SPRR2B: variants seen among roughly 807,000 people sequenced by gnomAD.
SPRR2B encodes small proline rich protein 2B, also known as small proline-rich protein 2B.
A neutral mutation model predicts 1.0 loss-of-function variants in SPRR2B; 1 was observed. That is an observed-to-expected ratio of 1.01 (90% CI 0.36 to 4.77). The LOEUF is 4.77. SPRR2B is among the 30% of genes most tolerant of loss of function. SPRR2B has a pLI of 0.16. For synonymous variants in SPRR2B, 27 were observed against 33.4 expected, an observed-to-expected ratio of 0.81 and a Z score of 0.66; for missense variants, 53 against 88.7, an observed-to-expected ratio of 0.60 and a Z score of 1.62.
At chr1:153,081,809 C>CCTTT in the SPRR2B span, among the ~76,000 whole-genome samples, 1 of 145,952 alleles carries the variant, frequency 6.9e-6, no homozygotes, top group East Asian at 2.0e-4. Flanking sequence ...AGTCAATTTT[C>CCTTT]CTTTTCTTTT....
At chr1:153,079,668 T>A in the SPRR2B span, among the ~76,000 whole-genome samples, 6 of 152,162 alleles carry the variant, frequency 3.9e-5, no homozygotes, top group Non-Finnish European at 8.8e-5. Context: ...AAAGATCAGA[T>A]GGTTGTAGAT....
the SPRR2B span, among the ~76,000 whole-genome samples, chr1:153,086,059 T>G: frequency 1.3e-5 from 2 of 152,122 alleles, no homozygotes; most frequent in African/African-American, 2.4e-5. Context: ...GAAAAACAAT[T>G]ATCAGCAACT....
chr1:153,081,456 C>T, the SPRR2B span, among the ~76,000 whole-genome samples: 2 of 152,162 alleles, frequency 1.3e-5, no homozygotes, highest in African/African-American at 4.8e-5. Context: ...GCAAAATTGT[C>T]CTTTAAAATG....
the SPRR2B span, among the ~76,000 whole-genome samples, chr1:153,077,420 T>G: frequency 6.6e-6 from 1 of 152,208 alleles, no homozygotes; most frequent in Non-Finnish European, 1.5e-5. Flanking sequence ...CTCTGATAAA[T>G]GTACACTGGT....
upstream of SPRR2B, among the ~76,000 whole-genome samples, chr1:153,071,961 A>T (rs143288267): frequency 8.5e-5 from 13 of 152,208 alleles, no homozygotes; most frequent in East Asian, 2.5e-3. Flanking sequence ...ACATGAACCC[A>T]TCTCCACCCC....
At chr1:153,073,335 A>T (rs1277157013), upstream of SPRR2B, among the ~76,000 whole-genome samples, 2 of 152,204 alleles carry the variant, frequency 1.3e-5, no homozygotes, top group African/African-American at 4.8e-5. Context: ...CACATCTACA[A>T]CACAAATCCT....
At chr1:153,075,008 A>C (rs529605116), upstream of SPRR2B, among the ~76,000 whole-genome samples, 42 of 152,308 alleles carry the variant, frequency 2.8e-4, 1 homozygote, top group African/African-American at 9.6e-4. Context: ...ACTGACATAC[A>C]TACACTGAAG....
upstream of SPRR2B, among the ~76,000 whole-genome samples, chr1:153,076,063 T>C (rs970312193): frequency 6.6e-6 from 1 of 152,192 alleles, no homozygotes; most frequent in Non-Finnish European, 1.5e-5. Context: ...GTGAAAAATA[T>C]ATGTTTTATT....
the SPRR2B span, among the ~76,000 whole-genome samples, chr1:153,086,769 A>T: frequency 6.6e-6 from 1 of 152,208 alleles, no homozygotes; most frequent in Non-Finnish European, 1.5e-5. Context: ...AAAACAACAG[A>T]ATATATATTC....
In SPRR2B at chr1:153,070,801, C is replaced by T; in HGVS notation, c.39G>A (p.Gln13=). Residue 13 remains glutamine (Q), a synonymous_variant, in exon 2 of 2, where the codon CAG becomes CAA. Transcript: ENST00000368755. The part of the protein sequence containing the change: ...YQQQQCKQPC[Q]PPPVCPTPKC... ...TTGGCGTGGGGCACACAGGAGGTGG[C>T]TGGCAGGGCTGCTTGCACTGCTGCT... The T allele has an allele frequency of 3.1e-6, 5 of 1,596,440 alleles. No homozygotes were observed. The highest frequency in any genetic ancestry group is 4.3e-6 in the Non-Finnish European group (5 of 1,171,120).
the SPRR2B span, among the ~76,000 whole-genome samples, chr1:153,078,087 T>C: frequency 6.6e-6 from 1 of 152,210 alleles, no homozygotes; most frequent in Non-Finnish European, 1.5e-5. Context: ...GTAATTACTT[T>C]AAATGTAAAT....
chr1:153,074,081 T>C (rs111697123), upstream of SPRR2B, among the ~76,000 whole-genome samples: 1 of 152,198 alleles, frequency 6.6e-6, no homozygotes, highest in South Asian at 2.1e-4. Context: ...TCCCCACTTA[T>C]AGCCACCCCT....
intron 1 of SPRR2B, among the ~76,000 whole-genome samples, 76 bp downstream of exon 1, chr1:153,071,493 A>G (rs1186560430): frequency 6.6e-6 from 1 of 152,158 alleles, no homozygotes; most frequent in Non-Finnish European, 1.5e-5. Context: ...AGGTTTGAAT[A>G]CACCAAACTT....
rs1035269956 is a variant in SPRR2B at position 153,071,161 on chromosome 1, C to T, written c.-19-303G>A. Among the ~76,000 whole-genome samples, 14 of 126,442 alleles carry T rather than the reference C, an allele frequency of 1.1e-4. 3 individuals are homozygous for T. Among genetic ancestry groups the T allele is most frequent in the African/African-American group, 3.2e-4 (12 of 37,676 alleles). 83.0% of individuals were successfully genotyped at this position (126,442 alleles called of 152,430 possible). ...AAAGGCAGTCACAAGTTCAGACCCC[C>T]TGGGCAATCTCACAAGCTATTCCTA... On this transcript the variant is annotated intron_variant, in intron 1 of 1. Transcript: ENST00000368755.
upstream of SPRR2B, among the ~76,000 whole-genome samples, chr1:153,072,716 C>G (rs916900838): frequency 1.2e-4 from 18 of 152,310 alleles, no homozygotes; most frequent in African/African-American, 4.3e-4. Flanking sequence ...CCAAAGCCCT[C>G]TAGCCCCACA....
chr1:153,075,858 A>G (rs1456465077), upstream of SPRR2B, among the ~76,000 whole-genome samples: 2 of 152,194 alleles, frequency 1.3e-5, no homozygotes, highest in Admixed American at 1.3e-4. Flanking sequence ...TGATCTTGAC[A>G]TTTATTCTTA....
At chr1:153,085,667 C>T in the SPRR2B span, among the ~76,000 whole-genome samples, 4 of 152,152 alleles carry the variant, frequency 2.6e-5, no homozygotes, top group Non-Finnish European at 2.9e-5. Context: ...CATTCAAATT[C>T]AGAAAATGCA....
chr1:153,079,725 T>C, the SPRR2B span, among the ~76,000 whole-genome samples: 2 of 152,144 alleles, frequency 1.3e-5, no homozygotes, highest in East Asian at 3.9e-4. Context: ...TTGGTCTATA[T>C]CTCTGTTTTG....
the SPRR2B span, among the ~76,000 whole-genome samples, chr1:153,083,386 A>G: frequency 1.7e-4 from 26 of 152,330 alleles, no homozygotes; most frequent in Middle Eastern, 3.4e-3. Flanking sequence ...AATGAAAACT[A>G]CAGAACAATA....
Sources: allele counts gnomAD v4.1 joint callset (sites outside exome capture counted in the v4.1 genomes callset), GRCh38; gene constraint gnomAD v4.1.1; transcripts MANE v1.5; gene names NCBI Gene and HGNC (gene_info 2026-07-23, HGNC 2026-07-21).